CADM2: variants seen among roughly 807,000 people sequenced by gnomAD.
CADM2 encodes the protein cell adhesion molecule 2, also known as immunoglobulin superfamily member 4D.
Under a neutral mutation model 49.8 loss-of-function variants are expected in CADM2, and 12 were observed. That is an observed-to-expected ratio of 0.24 (90% CI 0.15 to 0.39). The LOEUF is 0.39. Among genes scored for constraint, CADM2 ranks in the 10% least tolerant of loss-of-function variants. CADM2 has a pLI of 1.00. For missense variants in CADM2, 378 were observed against 492.3 expected, an observed-to-expected ratio of 0.77 and a Z score of 2.20; for synonymous variants, 214 against 175.4, an observed-to-expected ratio of 1.22 and a Z score of -1.74.
chr3:85,494,935 G>C (rs2039826086), intron 1 of CADM2, among the ~76,000 whole-genome samples: 1 of 152,124 alleles, frequency 6.6e-6, no homozygotes. Context: ...GAAAACGTTA[G>C]ACATGATTTA....
At chr3:85,048,881 T>A (rs1002115407) in intron 1 of CADM2, among the ~76,000 whole-genome samples, 1 of 152,106 alleles carries the variant, frequency 6.6e-6, no homozygotes, top group African/African-American at 2.4e-5. Context: ...GATAGCTGAA[T>A]CTTGGGCATA....
At chr3:85,013,992 G>A (rs545848185) in intron 1 of CADM2, among the ~76,000 whole-genome samples, 408 of 140,354 alleles carry the variant, frequency 2.9e-3, no homozygotes, top group Non-Finnish European at 3.8e-3. Context: ...TTATATATAC[G>A]CAGTGTAATA....
In CADM2 at chr3:85,570,830, C is replaced by A. The variant is rs374603743; in HGVS notation, c.62-155692C>A. 2.0e-4 allele frequency among the ~76,000 whole-genome samples: 30 copies of A among 152,224 alleles called. No homozygotes were observed. In the East Asian group the frequency reaches 2.9e-3, roughly 15 times the overall value. Reference sequence around the variant, plus strand: ...TTACTTGGTAATTTATCTTCTACACCATTTCCAGTGAAAATATACAAAGAT... The same window carrying A: ...TTACTTGGTAATTTATCTTCTACACAATTTCCAGTGAAAATATACAAAGAT... On this transcript the variant is annotated intron_variant, in intron 1 of 9. Coordinates refer to ENST00000383699, the MANE Select transcript of CADM2 (RefSeq NM_001167675.2).
intron 7 of CADM2, among the ~76,000 whole-genome samples, chr3:85,939,468 A>C (rs112165199): frequency 1.3e-3 from 180 of 137,078 alleles, no homozygotes; most frequent in African/African-American, 4.6e-3. Flanking sequence ...AGTAAACGAA[A>C]ACACACACAC....
chr3:84,986,693 T>C (rs2032576250), intron 1 of CADM2, among the ~76,000 whole-genome samples: 1 of 151,756 alleles, frequency 6.6e-6, no homozygotes, highest in African/African-American at 2.4e-5. Context: ...GCATGGCACA[T>C]GTATACATAT....
chr3:85,171,547 C>T (rs1490778993), intron 1 of CADM2, among the ~76,000 whole-genome samples: 1 of 152,140 alleles, frequency 6.6e-6, no homozygotes, highest in Non-Finnish European at 1.5e-5. Context: ...AGCACCACAA[C>T]TGTTATTTTA....
intron 3 of CADM2, among the ~76,000 whole-genome samples, chr3:85,835,475 A>G (rs1336386142): frequency 2.6e-5 from 4 of 151,236 alleles, no homozygotes; most frequent in African/African-American, 9.7e-5. Context: ...GTCTATAGGC[A>G]AAACAGAACT....
chr3:85,691,689 G>A (rs1379338274), intron 1 of CADM2, among the ~76,000 whole-genome samples: 1 of 151,978 alleles, frequency 6.6e-6, no homozygotes, highest in African/African-American at 2.4e-5. Flanking sequence ...TGTTTATTGC[G>A]GCACTATTCA....
chr3:85,541,714 T>C (rs202095672), intron 1 of CADM2, among the ~76,000 whole-genome samples: 1 of 37,124 alleles, frequency 2.7e-5, no homozygotes, highest in Admixed American at 5.0e-4. Flanking sequence ...ATATATATTT[T>C]ATATTATATA....
At chr3:85,768,254 C>A (rs2069768629) in intron 2 of CADM2, among the ~76,000 whole-genome samples, 2 of 151,990 alleles carry the variant, frequency 1.3e-5, no homozygotes, top group Middle Eastern at 3.4e-3. Context: ...CATTACCAGC[C>A]TGGGCAACAC....
At chr3:85,164,950 GTGTATGTGTGTACATA>G (rs1396522934) in intron 1 of CADM2, among the ~76,000 whole-genome samples, 2 of 151,720 alleles carry the variant, frequency 1.3e-5, no homozygotes, top group Non-Finnish European at 2.9e-5. Context: ...TATATAGAAA[GTGTATGTGTGTACATA>G]TGTGTGTGTG....
chr3:85,924,455 T>G (rs937833611), intron 6 of CADM2, among the ~76,000 whole-genome samples: 9 of 151,812 alleles, frequency 5.9e-5, no homozygotes, highest in African/African-American at 1.9e-4. Context: ...TAGCCATGAG[T>G]GGTGGCGTGT....
chr3:85,827,596 C>T (rs961680552), intron 3 of CADM2, among the ~76,000 whole-genome samples: 7 of 151,778 alleles, frequency 4.6e-5, no homozygotes, highest in Admixed American at 3.3e-4. Flanking sequence ...TTTAGAAATT[C>T]CATTTCTTTT....
chr3:86,014,072 T>C, intron 8 of CADM2: 2 of 1,299,402 alleles, frequency 1.5e-6, no homozygotes. Flanking sequence ...TTCACAACGG[T>C]TAAGAAAGGG....
rs1739527150 is a variant in CADM2 at position 86,068,139 on chromosome 3, G to A, written c.*1356G>A. 2 of 152,350 alleles carry A rather than the reference G, an allele frequency of 1.3e-5. No individual in the cohort carries two copies. The highest frequency in any genetic ancestry group is 4.8e-5 in the African/African-American group (2 of 41,414). 9.4% of individuals were successfully genotyped at this position (152,350 alleles called of 1,614,324 possible). ...TATTAAATTCCTGTCTATGCATTTT[G>A]TGAGGTACAAACTGATGAAACAGTG... On this transcript the variant is annotated 3_prime_UTR_variant, in exon 10 of 10. Coordinates refer to ENST00000383699, the MANE Select transcript of CADM2 (RefSeq NM_001167675.2).
intron 3 of CADM2, among the ~76,000 whole-genome samples, chr3:85,851,408 CA>C (rs1438965366): frequency 6.6e-6 from 1 of 151,738 alleles, no homozygotes; most frequent in African/African-American, 2.4e-5. Context: ...GGTGAAAGTC[CA>C]GCCACTTTTA....
intron 1 of CADM2, among the ~76,000 whole-genome samples, chr3:85,143,607 A>C (rs1376345199): frequency 6.6e-6 from 1 of 152,184 alleles, no homozygotes; most frequent in African/African-American, 2.4e-5. Context: ...TGTGTGAATG[A>C]TAAGAACATA....
intron 5 of CADM2, among the ~76,000 whole-genome samples, chr3:85,903,903 T>C (rs541212512): frequency 6.6e-6 from 1 of 152,290 alleles, no homozygotes; most frequent in African/African-American, 2.4e-5. Flanking sequence ...TGGGCTTTAT[T>C]GTTTTGTTTT....
chr3:85,371,943 G>T (rs557862582), intron 1 of CADM2, among the ~76,000 whole-genome samples: 1 of 151,592 alleles, frequency 6.6e-6, no homozygotes, highest in Non-Finnish European at 1.5e-5. Flanking sequence ...GGTAGATCTT[G>T]TGAAAATGTA....
Sources: allele counts gnomAD v4.1 joint callset (sites outside exome capture counted in the v4.1 genomes callset), GRCh38; gene constraint gnomAD v4.1.1; transcripts MANE v1.5; gene names NCBI Gene and HGNC (gene_info 2026-07-23, HGNC 2026-07-21).